Variants in PCDHGA6 observed in about 807,000 individuals in gnomAD.
The protein encoded by PCDHGA6 is protocadherin gamma-A6.
Under a neutral mutation model 60.6 loss-of-function variants are expected in PCDHGA6, and 41 were observed. That is an observed-to-expected ratio of 0.68 (90% CI 0.53 to 0.88). The LOEUF is 0.88. Among genes scored for constraint, PCDHGA6 ranks in the 40% least tolerant of loss-of-function variants. The pLI, the probability that PCDHGA6 is intolerant of heterozygous loss-of-function variation, is 0.00. For synonymous variants in PCDHGA6, 594 were observed against 524.4 expected (o/e 1.13, Z -1.81); for missense variants, 1,312 against 1,203.0 (o/e 1.09, Z -1.34).
chr5:141,420,458 C>A, intron 1 of PCDHGA6: 3 of 925,194 alleles, frequency 3.2e-6, no homozygotes, highest in Non-Finnish European at 2.9e-6. Context: ...TCCTACTATT[C>A]AAAGACATTT....
At chr5:141,494,708 C>T (rs1481947557) in intron 1 of PCDHGA6, 99 bp from the exon 2 acceptor site, 2 of 1,599,566 alleles carry the variant, frequency 1.3e-6, no homozygotes, top group Non-Finnish European at 1.7e-6. Flanking sequence ...CTTCTCTGTG[C>T]CCACTCCCCT....
Position 141,376,074 on chromosome 5 carries a change from T to C in PCDHGA6, c.1991T>C (p.Val664Ala), listed in dbSNP as rs1309324229. 6.2e-6 allele frequency: 10 copies of C among 1,613,500 alleles called. No individual in the cohort carries two copies. Among genetic ancestry groups the C allele is most frequent in the South Asian group, 1.1e-5 (1 of 91,054 alleles). Reference protein sequence around the residue: ...LSATVTLTVAVADRIPDILAD... With the variant: ...LSATVTLTVAAADRIPDILAD... Reference sequence around the variant, plus strand: ...GCCACTGTCACGCTCACCGTGGCCGTGGCCGACAGGATCCCCGACATCCTG... The same window carrying C: ...GCCACTGTCACGCTCACCGTGGCCGCGGCCGACAGGATCCCCGACATCCTG... Residue 664 changes from valine (V) to alanine (A), a missense_variant, in exon 1 of 4, where the codon GTG becomes GCG. Physicochemically the swap from Val to Ala is moderately conservative, Grantham distance 64. Coordinates refer to ENST00000517434, the MANE Select transcript of PCDHGA6 (RefSeq NM_018919.3).
In PCDHGA6 at chr5:141,487,241, A is replaced by G. The variant is rs753291480; in HGVS notation, c.2425-7566A>G. ...TCCAAGGGAAGGAGAATCTCGTCTA[A>G]CCCTCTACTTGGCTGTGTCCCTAGT... On this transcript the variant is annotated intron_variant, in intron 1 of 3. Transcript: ENST00000517434. The surrounding 1 kb of genome is among the most constrained non-coding windows in gnomAD (Gnocchi z 5.0). 2 of 1,613,876 alleles carry G rather than the reference A, an allele frequency of 1.2e-6. No homozygotes were observed. The highest frequency in any genetic ancestry group is 3.3e-5 in the Admixed American group (2 of 59,988).
chr5:141,409,278 A>C, intron 1 of PCDHGA6: 1 of 1,614,022 alleles, frequency 6.2e-7, no homozygotes, highest in Non-Finnish European at 8.5e-7. Flanking sequence ...ATTTTGGAGA[A>C]TTCACCTCCA....
intron 1 of PCDHGA6, chr5:141,383,082 G>A: frequency 1.2e-6 from 2 of 1,613,934 alleles, no homozygotes; most frequent in African/African-American, 2.7e-5. Context: ...AGCTGGCGGA[G>A]CGCGGAGTCC....
intron 1 of PCDHGA6, chr5:141,394,715 C>T (rs776573423): frequency 6.2e-7 from 1 of 1,613,304 alleles, no homozygotes; most frequent in African/African-American, 1.3e-5. Flanking sequence ...CCCTGCTGGA[C>T]AGAGATGCGC....
chr5:141,395,343 G>T (rs903122712), intron 1 of PCDHGA6: 1 of 1,396,676 alleles, frequency 7.2e-7, no homozygotes, highest in Non-Finnish European at 9.5e-7. Flanking sequence ...TTTTTAAGGT[G>T]TATCACAGAG....
At chr5:141,444,873 C>T (rs1298516499) in intron 1 of PCDHGA6, among the ~76,000 whole-genome samples, 1 of 152,080 alleles carries the variant, frequency 6.6e-6, no homozygotes, top group African/African-American at 2.4e-5. Flanking sequence ...CAGGACAAAG[C>T]TTGTAGGATT....
chr5:141,422,790 C>G, intron 1 of PCDHGA6: 1 of 1,614,060 alleles, frequency 6.2e-7, no homozygotes, highest in South Asian at 1.1e-5. Context: ...TACAATCCTT[C>G]GACTATGAGC....
intron 1 of PCDHGA6, chr5:141,426,874 C>T: frequency 2.2e-6 from 1 of 456,654 alleles, no homozygotes; most frequent in Non-Finnish European, 4.4e-6. Context: ...CTGGAGAAGC[C>T]CCTGGGCCAG....
intron 1 of PCDHGA6, among the ~76,000 whole-genome samples, chr5:141,434,384 G>T (rs980455943): frequency 2.6e-5 from 4 of 152,208 alleles, no homozygotes; most frequent in African/African-American, 4.8e-5. Context: ...CCCAAAACTG[G>T]CCATAAACAA....
chr5:141,397,012 A>C (rs944352237), intron 1 of PCDHGA6, among the ~76,000 whole-genome samples: 2 of 152,260 alleles, frequency 1.3e-5, no homozygotes, highest in African/African-American at 4.8e-5. Flanking sequence ...AATGGACTAA[A>C]GAAGGTTGAC....
chr5:141,452,652 C>T (rs1420422511), intron 1 of PCDHGA6, among the ~76,000 whole-genome samples: 1 of 151,916 alleles, frequency 6.6e-6, no homozygotes. Flanking sequence ...TCATTTGCTC[C>T]ATCCACTGCA....
At chr5:141,465,767 T>A (rs1427458413) in intron 1 of PCDHGA6, among the ~76,000 whole-genome samples, 1 of 152,016 alleles carries the variant, frequency 6.6e-6, no homozygotes, top group Non-Finnish European at 1.5e-5. Context: ...TCATGTTTCA[T>A]CTCTTGTTAC....
chr5:141,394,567 G>A, intron 1 of PCDHGA6: 1 of 1,614,040 alleles, frequency 6.2e-7, no homozygotes, highest in Non-Finnish European at 8.5e-7. Flanking sequence ...GCAGAGCGTG[G>A]CTACCTGGTG....
intron 1 of PCDHGA6, chr5:141,423,386 G>T: frequency 6.2e-7 from 1 of 1,614,160 alleles, no homozygotes; most frequent in Middle Eastern, 1.7e-4. Flanking sequence ...CTGTGGCGCT[G>T]GCATAAGTCA....
chr5:141,389,610 G>T (rs1488136363), intron 1 of PCDHGA6: 1 of 1,613,000 alleles, frequency 6.2e-7, no homozygotes, highest in Admixed American at 1.7e-5. Context: ...CTTCGATATG[G>T]TGCCGCACGC....
chr5:141,477,630 T>G lies in PCDHGA6; in HGVS notation c.2425-17177T>G. The G allele has an allele frequency of 6.2e-7, 1 of 1,614,228 alleles. No homozygotes were observed. The highest frequency in any genetic ancestry group is 8.5e-7 in the Non-Finnish European group (1 of 1,180,042). ...TTGGAGCAAGGAGCTGAAACCGGGC[T>G]AGTGGGTCGCTATTTCACAATAAAT... On this transcript the variant is annotated intron_variant, in intron 1 of 3. Coordinates refer to ENST00000517434, the MANE Select transcript of PCDHGA6 (RefSeq NM_018919.3). The surrounding 1 kb of genome is among the most constrained non-coding windows in gnomAD (Gnocchi z 4.9).
Position 141,427,474 on chromosome 5 carries a change from A to T in PCDHGA6, c.2424+50967A>T, listed in dbSNP as rs373512099. On this transcript the variant is annotated intron_variant, in intron 1 of 3. Transcript: ENST00000517434. The stretch of plus-strand genomic sequence containing the variant: ...CCTTTTAGAATCGAATCTTCCGCCA[A>T]TAATGACTATAAGCTTGTAACAGAT... 10 of 520,294 alleles carry T rather than the reference A, an allele frequency of 1.9e-5. No individual in the cohort carries two copies. In the East Asian group the frequency reaches 2.1e-4, roughly 11 times the overall value. The allele number at this position is 520,294 out of a possible 1,614,324, so 32.2% of individuals were successfully genotyped here. A position where few individuals can be genotyped will look rare whatever the true frequency, so the allele number is the denominator to read the frequency against.
Sources: allele counts gnomAD v4.1 joint callset (sites outside exome capture counted in the v4.1 genomes callset), GRCh38; gene constraint gnomAD v4.1.1; non-coding constraint Gnocchi (gnomAD v3.1); transcripts MANE v1.5; gene names NCBI Gene and HGNC (gene_info 2026-07-23, HGNC 2026-07-21).